MAP4K3: variants seen among roughly 807,000 people sequenced by gnomAD.
The protein encoded by MAP4K3 is mitogen-activated protein kinase kinase kinase kinase 3.
MAP4K3 carries 94 observed loss-of-function variants against 143.5 expected under a neutral mutation model. The observed-to-expected ratio is 0.65, with a 90% CI of 0.55 to 0.78. The LOEUF (loss-of-function observed/expected upper bound fraction) is 0.78, where lower values mean the gene tolerates loss of function less well. MAP4K3 is among the 30% of genes least tolerant of loss of function. The probability of loss-of-function intolerance (pLI) is 0.00; values close to 1 mark genes in which losing one functional copy is unlikely to be tolerated. For synonymous variants in MAP4K3, 416 were observed against 347.2 expected, an observed-to-expected ratio of 1.20 and a Z score of -2.20; for missense variants, 1,077 against 1,068.1, an observed-to-expected ratio of 1.01 and a Z score of -0.12.
intron 1 of MAP4K3, among the ~76,000 whole-genome samples, chr2:39,396,209 T>A (rs1666800672): frequency 6.6e-6 from 1 of 150,514 alleles, no homozygotes; most frequent in Non-Finnish European, 1.5e-5. Context: ...GGCTAATTTT[T>A]AAATTTTTTA....
chr2:39,360,181 C>T (rs1558665345), intron 2 of MAP4K3, among the ~76,000 whole-genome samples: 2 of 152,190 alleles, frequency 1.3e-5, no homozygotes, highest in Non-Finnish European at 2.9e-5. Context: ...CTCTCAAGTT[C>T]AAAGCTCCAT....
chr2:39,373,300 G>T (rs749926147), intron 2 of MAP4K3, among the ~76,000 whole-genome samples: 2 of 152,170 alleles, frequency 1.3e-5, no homozygotes, highest in Non-Finnish European at 2.9e-5. Context: ...ATGCTGGTGA[G>T]AATGTGGAGA....
intron 1 of MAP4K3, among the ~76,000 whole-genome samples, chr2:39,421,174 A>G (rs1415950632): frequency 6.6e-6 from 1 of 152,152 alleles, no homozygotes; most frequent in Non-Finnish European, 1.5e-5. Context: ...TTCATCAAAC[A>G]CCTCAAATTG....
intron 24 of MAP4K3, among the ~76,000 whole-genome samples, chr2:39,276,505 G>A (rs1019069346): frequency 2.6e-5 from 4 of 152,204 alleles, no homozygotes; most frequent in African/African-American, 9.7e-5. Context: ...GGAATCTGGA[G>A]CTAGCTTGCC....
chr2:39,394,208 C>T (rs985388331), intron 1 of MAP4K3, among the ~76,000 whole-genome samples: 5 of 152,162 alleles, frequency 3.3e-5, no homozygotes, highest in African/African-American at 1.2e-4. Flanking sequence ...GTTCCCAATA[C>T]CCTTCAACAA....
chr2:39,281,394 A>G (rs921576158), intron 22 of MAP4K3, among the ~76,000 whole-genome samples: 4 of 152,216 alleles, frequency 2.6e-5, no homozygotes, highest in African/African-American at 9.7e-5. Context: ...ACCAAAAAAG[A>G]ACAATTTAGC....
At chr2:39,424,976 T>A (rs55761128) in intron 1 of MAP4K3, among the ~76,000 whole-genome samples, 11,782 of 152,092 alleles carry the variant, frequency 0.077, 683 homozygotes, top group African/African-American at 0.16. Context: ...GTTTGTATTA[T>A]CTATAAGATG....
chr2:39,389,951 G>C (rs1293872074), intron 1 of MAP4K3, among the ~76,000 whole-genome samples: 1 of 152,168 alleles, frequency 6.6e-6, no homozygotes, highest in Non-Finnish European at 1.5e-5. Context: ...AAATAGGAAG[G>C]TGGAAGTACA....
chr2:39,292,649 T>G (rs1682096772), intron 18 of MAP4K3, 124 bp downstream of exon 18: 1 of 784,534 alleles, frequency 1.3e-6, no homozygotes, highest in Non-Finnish European at 2.2e-6. Flanking sequence ...GGAAGGAAAC[T>G]GAGATACAAC....
chr2:39,432,605 C>T (rs901956469), intron 1 of MAP4K3, among the ~76,000 whole-genome samples: 4 of 152,096 alleles, frequency 2.6e-5, no homozygotes, highest in African/African-American at 7.2e-5. Flanking sequence ...ATTCCTTATC[C>T]GTTAGGTTTA....
chr2:39,265,001 T>C (rs958984129), intron 28 of MAP4K3, among the ~76,000 whole-genome samples: 1 of 152,192 alleles, frequency 6.6e-6, no homozygotes, highest in Non-Finnish European at 1.5e-5. Flanking sequence ...GCCATACCCT[T>C]GCATTATTTC....
intron 12 of MAP4K3, 132 bp from the exon 13 acceptor site, chr2:39,315,520 T>C: frequency 1.9e-6 from 1 of 534,354 alleles, no homozygotes. Flanking sequence ...TTTGCAAATT[T>C]TTTTTTTTTA....
At chr2:39,410,200 C>G (rs1667198687) in intron 1 of MAP4K3, among the ~76,000 whole-genome samples, 1 of 152,160 alleles carries the variant, frequency 6.6e-6, no homozygotes, top group African/African-American at 2.4e-5. Flanking sequence ...AAAGCAACAG[C>G]TGATTTCTAG....
chr2:39,302,870 A>G (rs1300465366), intron 15 of MAP4K3, among the ~76,000 whole-genome samples: 1 of 152,222 alleles, frequency 6.6e-6, no homozygotes, highest in East Asian at 1.9e-4. Flanking sequence ...TTTGGGTTGC[A>G]AAGTCCTAAT....
intron 1 of MAP4K3, 106 bp from the exon 2 acceptor site, chr2:39,378,229 A>G: frequency 1.6e-6 from 1 of 617,354 alleles, no homozygotes; most frequent in Non-Finnish European, 2.9e-6. Context: ...ATATTTTAAA[A>G]GAAATGCAAA....
rs78310928 is a variant in MAP4K3, at chr2:39,437,120, G to GGCCGCCGCC, written c.-142_-134dup. 9.9e-5 allele frequency: 51 copies of GGCCGCCGCC among 513,198 alleles called. 3 individuals are homozygous for GGCCGCCGCC. Among genetic ancestry groups the GGCCGCCGCC allele is most frequent in the East Asian group, 2.3e-4 (6 of 25,934 alleles). 31.8% of individuals were successfully genotyped at this position (513,198 alleles called of 1,614,324 possible). A position where few individuals can be genotyped will look rare whatever the true frequency, so the allele number is the denominator to read the frequency against. On this transcript the variant is annotated 5_prime_UTR_variant, in exon 1 of 34. Coordinates refer to ENST00000263881, the MANE Select transcript of MAP4K3 (RefSeq NM_003618.4). ...TCACAATCACCCGGCTCCACGCTGC[G>GGCCGCCGCC]GCCGCCGCCGCCGCCGCCGCTCCCC...
At chr2:39,263,065 C>A (rs530603869) in intron 28 of MAP4K3, among the ~76,000 whole-genome samples, 3 of 151,856 alleles carry the variant, frequency 2.0e-5, no homozygotes, top group African/African-American at 7.2e-5. Flanking sequence ...GCACTCCAGC[C>A]TGGCCAACAG....
At chr2:39,355,359 C>CAAAAAA (rs34355105) in intron 3 of MAP4K3, among the ~76,000 whole-genome samples, 2 of 34,546 alleles carry the variant, frequency 5.8e-5, no homozygotes, top group African/African-American at 2.5e-4. Flanking sequence ...GACTCCACCT[C>CAAAAAA]AAAAAAAAAA....
At chr2:39,390,675 T>C (rs1197865331) in intron 1 of MAP4K3, among the ~76,000 whole-genome samples, 1 of 151,790 alleles carries the variant, frequency 6.6e-6, no homozygotes, top group Non-Finnish European at 1.5e-5. Flanking sequence ...TGTACGTATA[T>C]CATTAAGTGT....
Sources: allele counts gnomAD v4.1 joint callset (sites outside exome capture counted in the v4.1 genomes callset), GRCh38; gene constraint gnomAD v4.1.1; transcripts MANE v1.5; gene names NCBI Gene and HGNC (gene_info 2026-07-23, HGNC 2026-07-21).